The following NRXN1 variants were observed in gnomAD, a reference collection of about 807,000 sequenced individuals.
The protein encoded by NRXN1 is neurexin-1.
A neutral mutation model predicts 150.9 loss-of-function variants in NRXN1; 39 were observed. The ratio of observed to expected loss-of-function variants is 0.26; its 90% CI spans 0.20 to 0.34. The LOEUF (loss-of-function observed/expected upper bound fraction) is 0.34. Ranked by LOEUF, NRXN1 falls within the 10% of genes least tolerant of loss-of-function variation. NRXN1 has a pLI of 1.00. For missense variants in NRXN1, 1,815 were observed against 1,949.9 expected (o/e 0.93, Z 1.30); for synonymous variants, 924 against 757.0 (o/e 1.22, Z -3.62).
chr2:50,938,489 A>C (rs1307671112), intron 2 of NRXN1, among the ~76,000 whole-genome samples: 1 of 152,160 alleles, frequency 6.6e-6, no homozygotes, highest in African/African-American at 2.4e-5. Context: ...TGAGCCCTCC[A>C]AACTATTCCG....
intron 2 of NRXN1, among the ~76,000 whole-genome samples, chr2:50,978,307 A>ATATATATATATATAT (rs1558524554): frequency 1.8e-4 from 14 of 79,264 alleles, no homozygotes; most frequent in East Asian, 3.1e-4. Flanking sequence ...TATATATATA[A>ATATATATATATATAT]AATATATATA....
At chr2:50,152,060 A>G (rs1356398231) in intron 18 of NRXN1, among the ~76,000 whole-genome samples, 1 of 151,762 alleles carries the variant, frequency 6.6e-6, no homozygotes, top group Non-Finnish European at 1.5e-5. Flanking sequence ...ATAACATAAA[A>G]TATACTGTCT....
chr2:49,942,589 A>T (rs914369818), intron 22 of NRXN1, among the ~76,000 whole-genome samples: 1 of 149,118 alleles, frequency 6.7e-6, no homozygotes, highest in East Asian at 2.0e-4. Flanking sequence ...AATGCAAACA[A>T]TATTATTATT....
intron 17 of NRXN1, among the ~76,000 whole-genome samples, chr2:50,449,694 A>T (rs2086781481): frequency 6.6e-6 from 1 of 152,160 alleles, no homozygotes; most frequent in South Asian, 2.1e-4. Context: ...ACATTTTGAA[A>T]AGCAAGGTAT....
intron 2 of NRXN1, among the ~76,000 whole-genome samples, chr2:50,928,018 T>A (rs1046296363): frequency 2.6e-5 from 4 of 151,964 alleles, no homozygotes; most frequent in Non-Finnish European, 4.4e-5. Context: ...TCTCCTTTCA[T>A]GACCATAGAT....
At chr2:50,235,883 T>C (rs1310485954) in intron 18 of NRXN1, among the ~76,000 whole-genome samples, 1 of 152,148 alleles carries the variant, frequency 6.6e-6, no homozygotes, top group African/African-American at 2.4e-5. Context: ...ACTATGATAA[T>C]AAGAACCCTT....
Position 50,053,259 on chromosome 2 carries a change from C to A in NRXN1, c.4128+12G>T, listed in dbSNP as rs1197950241. On this transcript the variant is annotated intron_variant, in intron 21 of 22. Coordinates refer to ENST00000401669, the MANE Select transcript of NRXN1 (RefSeq NM_001330078.2). ...TAGGATGAAAATGAAGGAATAAAAT[C>A]CACAGGCTCACCTGGCTAATGGGTT... 2 of 1,613,546 alleles carry A rather than the reference C, an allele frequency of 1.2e-6. No individual in the cohort carries two copies. Among genetic ancestry groups the A allele is most frequent in the Non-Finnish European group, 1.7e-6 (2 of 1,179,662 alleles).
At chr2:50,067,305 A>T (rs1695515605) in intron 19 of NRXN1, among the ~76,000 whole-genome samples, 1 of 152,186 alleles carries the variant, frequency 6.6e-6, no homozygotes, top group East Asian at 1.9e-4. Flanking sequence ...TTACACAAAG[A>T]TTTGTACAAG....
At chr2:50,664,000 A>G (rs1687661032) in intron 5 of NRXN1, among the ~76,000 whole-genome samples, 1 of 151,990 alleles carries the variant, frequency 6.6e-6, no homozygotes, top group Admixed American at 6.6e-5. Flanking sequence ...AATATTTCAA[A>G]TACAATCTTT....
chr2:50,230,956 A>C (rs1004410814), intron 18 of NRXN1, among the ~76,000 whole-genome samples: 2 of 152,102 alleles, frequency 1.3e-5, no homozygotes, highest in African/African-American at 4.8e-5. Context: ...CATGGTGAAA[A>C]GGCATTATTT....
At chr2:51,011,973 G>A (rs1199116006) in intron 2 of NRXN1, among the ~76,000 whole-genome samples, 1 of 151,932 alleles carries the variant, frequency 6.6e-6, no homozygotes, top group Non-Finnish European at 1.5e-5. Context: ...GAAAGCATGT[G>A]ATTAATCCTT....
At position 50,014,867 on chromosome 2, in the gene NRXN1, G is replaced by A. The variant is rs540237702; in HGVS notation, c.4128+38404C>T. Among the ~76,000 whole-genome samples, 9 of 152,118 alleles carry A rather than the reference G, an allele frequency of 5.9e-5. 1 individual carries two copies. In the South Asian group the frequency reaches 1.5e-3, roughly 25 times the overall value. The stretch of plus-strand genomic sequence containing the variant: ...GAAATAGCCCAGTGTAGTAAGTCTC[G>A]TTTGAACTGATATATGAAAAAAATG... On this transcript the variant is annotated intron_variant, in intron 21 of 22. Coordinates refer to ENST00000401669, the MANE Select transcript of NRXN1 (RefSeq NM_001330078.2).
At chr2:50,858,888 G>T (rs1185322681) in intron 5 of NRXN1, among the ~76,000 whole-genome samples, 1 of 152,020 alleles carries the variant, frequency 6.6e-6, no homozygotes, top group Admixed American at 6.6e-5. Context: ...CATCAGTAGA[G>T]ATTCAATTTT....
intron 19 of NRXN1, among the ~76,000 whole-genome samples, chr2:50,062,816 G>A (rs746387210): frequency 2.0e-5 from 3 of 152,072 alleles, no homozygotes; most frequent in Non-Finnish European, 4.4e-5. Context: ...AAAAGTGTCA[G>A]CATTTGATAT....
At chr2:50,294,562 T>C (rs1350660728) in intron 17 of NRXN1, among the ~76,000 whole-genome samples, 2 of 152,176 alleles carry the variant, frequency 1.3e-5, no homozygotes, top group African/African-American at 4.8e-5. Context: ...TGAAGGAGAA[T>C]GACACCTAAA....
rs866106269 is a variant in NRXN1, at chr2:51,023,816, A to G, written c.772+3686T>C. 3.9e-5 allele frequency among the ~76,000 whole-genome samples: 6 copies of G among 152,346 alleles called. No individual in the cohort carries two copies. In the Middle Eastern group the frequency reaches 0.017, roughly 432 times the overall value. On this transcript the variant is annotated intron_variant, in intron 2 of 22. Transcript: ENST00000401669. ...AATGAATGAGTGAATGTGGTTGCCT[A>G]TCTGGTCACATTCACAAAGTAATGG...
At chr2:50,944,519 C>A (rs1483017200) in intron 2 of NRXN1, among the ~76,000 whole-genome samples, 1 of 152,070 alleles carries the variant, frequency 6.6e-6, no homozygotes, top group African/African-American at 2.4e-5. Flanking sequence ...TTCCTACTTC[C>A]GTTTATTCAT....
chr2:50,397,760 T>G (rs1271899903), intron 17 of NRXN1, among the ~76,000 whole-genome samples: 1 of 152,156 alleles, frequency 6.6e-6, no homozygotes, highest in Non-Finnish European at 1.5e-5. Flanking sequence ...GTATGAGAGA[T>G]TTCTTTTTTA....
At chr2:50,070,080 G>A (rs767749834) in intron 19 of NRXN1, among the ~76,000 whole-genome samples, 1 of 151,918 alleles carries the variant, frequency 6.6e-6, no homozygotes, top group Admixed American at 6.6e-5. Context: ...TCGATCTCCT[G>A]ACCTTGCGAT....
Sources: allele counts gnomAD v4.1 joint callset (sites outside exome capture counted in the v4.1 genomes callset), GRCh38; gene constraint gnomAD v4.1.1; transcripts MANE v1.5; gene names NCBI Gene and HGNC (gene_info 2026-07-23, HGNC 2026-07-21).